FAM162A: variants seen among roughly 807,000 people sequenced by gnomAD.
FAM162A encodes the protein protein FAM162A.
A neutral mutation model predicts 21.8 loss-of-function variants in FAM162A; 23 were observed. That is an observed-to-expected ratio of 1.05 (90% CI 0.76 to 1.49). The LOEUF (loss-of-function observed/expected upper bound fraction) is 1.49, where lower values mean the gene tolerates loss of function less well. FAM162A is among the 40% of genes most tolerant of loss of function. FAM162A has a pLI of 0.00. For synonymous variants in FAM162A, 53 were observed against 61.3 expected (o/e 0.86, Z 0.64); for missense variants, 165 against 186.4 (o/e 0.89, Z 0.67).
At chr3:122,385,503 A>T (rs149456007) in intron 1 of FAM162A, among the ~76,000 whole-genome samples, 31 of 152,358 alleles carry the variant, frequency 2.0e-4, no homozygotes, top group African/African-American at 7.5e-4. Flanking sequence ...TCTGTAAAAA[A>T]GTTAAAATGG....
At chr3:122,401,534 GA>G (rs1560001417) in intron 1 of FAM162A, 2 of 1,271,480 alleles carry the variant, frequency 1.6e-6, no homozygotes, top group Non-Finnish European at 2.0e-6. Context: ...GTGCAATTAT[GA>G]GTAAGTGTAT....
chr3:122,407,776 G>A, intron 4 of FAM162A: 1 of 248,556 alleles, frequency 4.0e-6, no homozygotes, highest in Non-Finnish European at 7.7e-6. Context: ...CTTCAGCATG[G>A]TGAGCTTTCT....
chr3:122,406,615 C>G (rs1371723111), intron 3 of FAM162A, among the ~76,000 whole-genome samples: 1 of 152,216 alleles, frequency 6.6e-6, no homozygotes, highest in Non-Finnish European at 1.5e-5. Context: ...ATCAAGTTCA[C>G]TGTCACTCAA....
chr3:122,401,689 G>A (rs2075654204), intron 1 of FAM162A, among the ~76,000 whole-genome samples: 4 of 152,082 alleles, frequency 2.6e-5, no homozygotes, highest in Admixed American at 2.0e-4. Flanking sequence ...ATTGCATTGT[G>A]GTTTTGATGT....
At chr3:122,390,768 C>G (rs895251932) in intron 1 of FAM162A, among the ~76,000 whole-genome samples, 6 of 152,172 alleles carry the variant, frequency 3.9e-5, no homozygotes, top group Non-Finnish European at 8.8e-5. Context: ...GTCCAGTAAT[C>G]TGTTTCACAG....
chr3:122,398,015 A>G lies in FAM162A; in HGVS notation c.35-4745A>G, dbSNP rs550845364. Among the ~76,000 whole-genome samples the G allele has an allele frequency of 5.2e-4, 79 of 152,312 alleles. 2 individuals carry two copies. Among genetic ancestry groups the G allele is most frequent in the Admixed American group, 2.2e-3 (34 of 15,296 alleles). ...TGACCACTGATGATGTGTTGAAAGG[A>G]CTCGGGAGCCAACTTAGAAGGGTTC... On this transcript the variant is annotated intron_variant, in intron 1 of 4. Transcript: ENST00000477892.
At chr3:122,404,198 G>T in intron 2 of FAM162A, 60 bp from the exon 3 acceptor site, 1 of 734,572 alleles carries the variant, frequency 1.4e-6, no homozygotes, top group South Asian at 2.6e-5. Context: ...TTTTTCTGTT[G>T]TTAAATTTGA....
Position 122,384,242 on chromosome 3 carries a change from T to C in FAM162A, c.-24T>C, listed in dbSNP as rs755919616. ...CACCGTCCCCGGCGAAGTTCTGCGCTGGTCGGCGGAGTAGCAAGTGGCCAT... is the reference window on the plus strand; with the variant it reads ...CACCGTCCCCGGCGAAGTTCTGCGCCGGTCGGCGGAGTAGCAAGTGGCCAT... On this transcript the variant is annotated 5_prime_UTR_variant, in exon 1 of 5. Transcript: ENST00000477892. The C allele has an allele frequency of 1.9e-6, 3 of 1,565,516 alleles. No individual in the cohort carries two copies. The African/African-American group carries it at 4.1e-5, about 21-fold the overall frequency.
intron 3 of FAM162A, among the ~76,000 whole-genome samples, chr3:122,405,305 T>C (rs1373218109): frequency 6.6e-6 from 1 of 152,240 alleles, no homozygotes; most frequent in Non-Finnish European, 1.5e-5. Context: ...GAAAAAGATC[T>C]GAGCTCATTC....
At chr3:122,408,718 A>C (rs1292454868) in intron 4 of FAM162A, among the ~76,000 whole-genome samples, 2 of 152,154 alleles carry the variant, frequency 1.3e-5, no homozygotes, top group Non-Finnish European at 2.9e-5. Flanking sequence ...AGCTTCTAGG[A>C]TTCTGAGAAA....
At chr3:122,401,402 G>A in intron 1 of FAM162A, 1 of 1,070,954 alleles carries the variant, frequency 9.3e-7, no homozygotes. Flanking sequence ...CTGGTTAATG[G>A]AACATAAGTG....
At chr3:122,400,832 C>CA (rs777341009) in intron 1 of FAM162A, among the ~76,000 whole-genome samples, 199 of 132,732 alleles carry the variant, frequency 1.5e-3, no homozygotes, top group Middle Eastern at 0.012. Context: ...CATCTCAAAA[C>CA]AAAAAAAAAA....
intron 1 of FAM162A, among the ~76,000 whole-genome samples, chr3:122,389,509 A>C (rs1235778336): frequency 3.9e-5 from 6 of 152,212 alleles, no homozygotes; most frequent in Non-Finnish European, 8.8e-5. Flanking sequence ...ATTCTAAGGA[A>C]ATAATCAGAA....
chr3:122,384,770 C>T (rs2107693380), intron 1 of FAM162A, among the ~76,000 whole-genome samples: 1 of 152,288 alleles, frequency 6.6e-6, no homozygotes, highest in Non-Finnish European at 1.5e-5. Flanking sequence ...CATTAAATGT[C>T]TGATTAGGCC....
chr3:122,401,321 T>A, intron 1 of FAM162A: 1 of 871,568 alleles, frequency 1.1e-6, no homozygotes, highest in Non-Finnish European at 1.4e-6. Context: ...GTTAAACATA[T>A]GTCGATTTAT....
intron 1 of FAM162A, among the ~76,000 whole-genome samples, chr3:122,392,548 C>T (rs747806951): frequency 2.6e-5 from 4 of 152,106 alleles, no homozygotes; most frequent in Admixed American, 1.3e-4. Context: ...AAAGTATAGT[C>T]CAGAACCAGC....
Position 122,410,930 on chromosome 3 carries a change from T to C in FAM162A, c.*1099T>C, listed in dbSNP as rs569810284. 155 of 152,354 alleles carry C rather than the reference T, an allele frequency of 1.0e-3. No individual in the cohort carries two copies. Among genetic ancestry groups the C allele is most frequent in the African/African-American group, 3.6e-3 (148 of 41,576 alleles). The allele number at this position is 152,354 out of a possible 1,614,324, so 9.4% of individuals were successfully genotyped here. On this transcript the variant is annotated 3_prime_UTR_variant, in exon 5 of 5. Transcript: ENST00000477892. ...ACGAGATCAGCTGTCGTGGAATCAG[T>C]GCTAGTGTTCAGGTAACTCTTATTT...
chr3:122,409,177 C>A (rs1052523511), intron 4 of FAM162A, among the ~76,000 whole-genome samples: 2 of 152,056 alleles, frequency 1.3e-5, no homozygotes, highest in Admixed American at 6.6e-5. Flanking sequence ...TGGAGGGAAA[C>A]AAGGGAAGAG....
chr3:122,389,437 G>GATAGATA (rs1559998818), intron 1 of FAM162A, among the ~76,000 whole-genome samples: 1 of 144,818 alleles, frequency 6.9e-6, no homozygotes, highest in African/African-American at 2.6e-5. Flanking sequence ...ATAGATAGAT[G>GATAGATA]AGATAGATAG....
Sources: allele counts gnomAD v4.1 joint callset (sites outside exome capture counted in the v4.1 genomes callset), GRCh38; gene constraint gnomAD v4.1.1; transcripts MANE v1.5; gene names NCBI Gene and HGNC (gene_info 2026-07-23, HGNC 2026-07-21).